The following MTPAP variants were observed in gnomAD, a reference collection of about 807,000 sequenced individuals.
MTPAP encodes the protein poly(A) RNA polymerase, mitochondrial.
A neutral mutation model predicts 48.7 loss-of-function variants in MTPAP; 23 were observed. That is an observed-to-expected ratio of 0.47 (90% CI 0.34 to 0.67). MTPAP has a LOEUF of 0.67. Among genes scored for constraint, MTPAP ranks in the 30% least tolerant of loss-of-function variants. The pLI, the probability that MTPAP is intolerant of heterozygous loss-of-function variation, is 0.01. For missense variants in MTPAP, 614 were observed against 694.3 expected, an observed-to-expected ratio of 0.88 and a Z score of 1.30; for synonymous variants, 257 against 254.1, an observed-to-expected ratio of 1.01 and a Z score of -0.11.
At chr10:30,316,293 A>G in intron 6 of MTPAP, 83 bp from the exon 7 acceptor site, 1 of 1,070,008 alleles carries the variant, frequency 9.3e-7, no homozygotes, top group Non-Finnish European at 1.4e-6. Context: ...TCCAGGCTGG[A>G]GTGTAGCGGC....
intron 5 of MTPAP, among the ~76,000 whole-genome samples, chr10:30,324,280 CAGG>C (rs1564519849): frequency 6.6e-6 from 1 of 152,068 alleles, no homozygotes; most frequent in East Asian, 1.9e-4. Flanking sequence ...CATTTCAAAG[CAGG>C]AGGATGACTT....
At chr10:30,334,696 T>C (rs973111116) in intron 4 of MTPAP, among the ~76,000 whole-genome samples, 3 of 152,006 alleles carry the variant, frequency 2.0e-5, no homozygotes, top group East Asian at 3.9e-4. Context: ...AGTTGGAAAA[T>C]TGGGTATGTA....
chr10:30,332,918 G>T (rs968642635), intron 4 of MTPAP, among the ~76,000 whole-genome samples: 1 of 151,834 alleles, frequency 6.6e-6, no homozygotes, highest in African/African-American at 2.4e-5. Context: ...TCAGGAGATC[G>T]AGACCATCCT....
At position 30,349,186 on chromosome 10, in the gene MTPAP, C is replaced by G. The variant is rs1834905361; in HGVS notation, c.90G>C (p.Leu30Phe). ...CTTTGGCCACAGTTCCTGGGCAACT[C>G]AAAAGCCTGACGATAGGCCGCTGGA... ...TRVQRPIVRL[L>F]SCPGTVAKDL... is the part of the protein sequence containing the mutation. Residue 30 changes from leucine (L) to phenylalanine (F), a missense_variant, in exon 1 of 9, where the codon TTG becomes TTC. Leu to Phe is a conservative substitution (Grantham distance 22). Around this residue, in one of 5 missense-constraint regions of MTPAP, gnomAD observed 125 missense variants for 111.5 expected, o/e 1.12. Coordinates refer to ENST00000263063, the MANE Select transcript of MTPAP (RefSeq NM_018109.4). 1 of 1,593,368 alleles carries G rather than the reference C, an allele frequency of 6.3e-7. No individual in the cohort carries two copies. Among genetic ancestry groups the G allele is most frequent in the Admixed American group, 1.7e-5 (1 of 58,574 alleles).
chr10:30,335,393 G>A lies in MTPAP; in HGVS notation c.780+1410C>T, dbSNP rs1471972110. 2.0e-5 allele frequency among the ~76,000 whole-genome samples: 3 copies of A among 152,158 alleles called. No individual in the cohort carries two copies. In the East Asian group the frequency reaches 5.8e-4, roughly 29 times the overall value. On this transcript the variant is annotated intron_variant, in intron 4 of 8. Coordinates refer to ENST00000263063, the MANE Select transcript of MTPAP (RefSeq NM_018109.4). ...CCCAGCTACTTGGGAGGCTGAGACA[G>A]GAGAATTGTTTGAACTTGGAAGGCG...
At chr10:30,339,048 A>G (rs984169578) in intron 3 of MTPAP, among the ~76,000 whole-genome samples, 5 of 151,786 alleles carry the variant, frequency 3.3e-5, no homozygotes, top group African/African-American at 9.7e-5. Context: ...GCGTGAACCC[A>G]GGAGGTGGAG....
At position 30,349,158 on chromosome 10, in the gene MTPAP, G is replaced by A. The variant is rs768695700; in HGVS notation, c.118C>T (p.Leu40Phe). 1.9e-6 allele frequency: 3 copies of A among 1,613,652 alleles called. No homozygotes were observed. Among genetic ancestry groups the A allele is most frequent in the Non-Finnish European group, 2.5e-6 (3 of 1,179,820 alleles). Residue 40 changes from leucine to phenylalanine, a missense_variant, in exon 1 of 9, where the codon CTT (leucine) becomes TTT (phenylalanine). By Grantham distance (22) the Leu-to-Phe change is conservative. Coordinates refer to ENST00000263063, the MANE Select transcript of MTPAP (RefSeq NM_018109.4). ...CCTGAAGGCTGCTCGTCTCTCCTAAGGTCTTTGGCCACAGTTCCTGGGCAA... is the reference window on the plus strand; with the variant it reads ...CCTGAAGGCTGCTCGTCTCTCCTAAAGTCTTTGGCCACAGTTCCTGGGCAA... ...LSCPGTVAKDLRRDEQPSGSV... is the reference protein window; with the variant it reads ...LSCPGTVAKDFRRDEQPSGSV...
At chr10:30,347,145 T>C (rs1213455323) in intron 1 of MTPAP, among the ~76,000 whole-genome samples, 1 of 152,212 alleles carries the variant, frequency 6.6e-6, no homozygotes, top group Non-Finnish European at 1.5e-5. Flanking sequence ...CATGTACTCT[T>C]ATTGTCTTTC....
In MTPAP at chr10:30,343,571, C is replaced by CT. The variant is rs1005592112; in HGVS notation, c.158-1932dup. ...AACCCACTATCTTACTATCTTTTTT[C>CT]TTTTTTTTTTTAAAGAGACAAGGTC... On this transcript the variant is annotated intron_variant, in intron 1 of 8. Transcript: ENST00000263063. Among the ~76,000 whole-genome samples the CT allele has an allele frequency of 3.1e-3, 454 of 146,034 alleles. 1 individual carries two copies. The highest frequency in any genetic ancestry group is 9.4e-3 in the African/African-American group (375 of 40,050).
intron 1 of MTPAP, among the ~76,000 whole-genome samples, chr10:30,346,255 G>A (rs1429337375): frequency 2.6e-5 from 4 of 152,090 alleles, no homozygotes; most frequent in Non-Finnish European, 4.4e-5. Context: ...TGAGACAAAC[G>A]TTTTTAAAAA....
chr10:30,344,862 C>T (rs1044185718), intron 1 of MTPAP, among the ~76,000 whole-genome samples: 9 of 152,104 alleles, frequency 5.9e-5, no homozygotes, highest in African/African-American at 2.2e-4. Flanking sequence ...TGCCACTGCG[C>T]CAGGCTAATT....
At chr10:30,320,290 GAACA>G (rs1340502654) in intron 6 of MTPAP, among the ~76,000 whole-genome samples, 2 of 145,114 alleles carry the variant, frequency 1.4e-5, no homozygotes, top group East Asian at 5.7e-4. Flanking sequence ...CACTTTGGGA[GAACA>G]AGATGGGAGG....
intron 1 of MTPAP, among the ~76,000 whole-genome samples, chr10:30,344,032 A>G (rs1004194759): frequency 5.3e-5 from 8 of 152,032 alleles, no homozygotes; most frequent in Non-Finnish European, 1.2e-4. Context: ...TAACTGCCAA[A>G]GTGTTCTTTA....
Position 30,310,744 on chromosome 10 carries a change from C to T in MTPAP, c.*2865G>A, listed in dbSNP as rs1056669187. 6.6e-6 allele frequency: 1 copy of T among 151,786 alleles called. No individual in the cohort carries two copies. Among genetic ancestry groups the T allele is most frequent in the African/African-American group, 2.4e-5 (1 of 41,314 alleles). 9.4% of individuals were successfully genotyped at this position (151,786 alleles called of 1,614,324 possible). On this transcript the variant is annotated 3_prime_UTR_variant, in exon 9 of 9. Coordinates refer to ENST00000263063, the MANE Select transcript of MTPAP (RefSeq NM_018109.4). The stretch of plus-strand genomic sequence containing the variant: ...GTGAAACCCCGTCTCTACTAACATA[C>T]AAAAATTAGCTAGGCATGGTGGCAG...
chr10:30,324,784 C>T (rs1834563367), intron 5 of MTPAP, among the ~76,000 whole-genome samples: 1 of 151,978 alleles, frequency 6.6e-6, no homozygotes. Context: ...GGCAGATCAC[C>T]TGAGGTCCGG....
At position 30,313,168 on chromosome 10, in the gene MTPAP, C is replaced by T. The variant is rs1216535830; in HGVS notation, c.*441G>A. On this transcript the variant is annotated 3_prime_UTR_variant, in exon 9 of 9. Transcript: ENST00000263063. ...ATGTGGATATCAACAATGGTTTCAT[C>T]CTAAAACTGAGTTTTAGCATTTGTT... 5.3e-6 allele frequency: 1 copy of T among 186,968 alleles called. No individual in the cohort carries two copies. The highest frequency in any genetic ancestry group is 1.1e-5 in the Non-Finnish European group (1 of 88,934). 11.6% of individuals were successfully genotyped at this position (186,968 alleles called of 1,614,324 possible).
chr10:30,345,037 A>T (rs553415709), intron 1 of MTPAP, among the ~76,000 whole-genome samples: 1 of 152,118 alleles, frequency 6.6e-6, no homozygotes, highest in African/African-American at 2.4e-5. Flanking sequence ...GTAGAAGCAT[A>T]AGTCCTCTCC....
chr10:30,342,364 T>C (rs771314257), intron 1 of MTPAP, among the ~76,000 whole-genome samples: 6 of 152,218 alleles, frequency 3.9e-5, no homozygotes, highest in Non-Finnish European at 7.3e-5. Flanking sequence ...GCTCACCTAT[T>C]TGTGGACCAC....
Position 30,348,974 on chromosome 10 carries a change from G to A in MTPAP, c.157+145C>T, listed in dbSNP as rs149091937. The A allele has an allele frequency of 1.1e-3, 1,352 of 1,233,008 alleles. 7 individuals carry two copies. In the African/African-American group the frequency reaches 0.015, roughly 14 times the overall value. The allele number at this position is 1,233,008 out of a possible 1,614,324, so 76.4% of individuals were successfully genotyped here. On this transcript the variant is annotated intron_variant, in intron 1 of 8. Transcript: ENST00000263063. Reference sequence around the variant, plus strand: ...CGGCGACCCTGGGTTCCCCTACAGAGATCAGAGGAGAGGAGAGGACAGGAC... The same window carrying A: ...CGGCGACCCTGGGTTCCCCTACAGAAATCAGAGGAGAGGAGAGGACAGGAC...
Sources: allele counts gnomAD v4.1 joint callset (sites outside exome capture counted in the v4.1 genomes callset), GRCh38; gene constraint gnomAD v4.1.1; regional missense constraint gnomAD v4.1.1; transcripts MANE v1.5; gene names NCBI Gene and HGNC (gene_info 2026-07-23, HGNC 2026-07-21).